TOR2A: variants seen among roughly 807,000 people sequenced by gnomAD.
TOR2A encodes prosalusin.
A neutral mutation model predicts 28.6 loss-of-function variants in TOR2A; 24 were observed. The ratio of observed to expected loss-of-function variants is 0.84; its 90% CI spans 0.61 to 1.18. The LOEUF (loss-of-function observed/expected upper bound fraction) is 1.18, where lower values mean the gene tolerates loss of function less well. TOR2A is among the 50% of genes most tolerant of loss of function. The probability of loss-of-function intolerance (pLI) is 0.00; values close to 1 mark genes in which losing one functional copy is unlikely to be tolerated. For missense variants in TOR2A, 426 were observed against 448.1 expected (o/e 0.95, Z 0.45); for synonymous variants, 203 against 203.1 (o/e 1.00, Z 0.00).
chr9:127,733,246 G>C (rs542051287), intron 3 of TOR2A, 139 bp downstream of exon 3: 3 of 1,611,658 alleles, frequency 1.9e-6, no homozygotes, highest in African/African-American at 2.7e-5. Flanking sequence ...TGTCATCTCT[G>C]AGAGTGGCGG....
chr9:127,731,946 C>T lies in TOR2A; in HGVS notation c.*88G>A, dbSNP rs1564399729. On this transcript the variant is annotated 3_prime_UTR_variant, in exon 5 of 5. Coordinates refer to ENST00000373284, the MANE Select transcript of TOR2A (RefSeq NM_001085347.3). ...CCTAGCCGACACTCCGTTCATCTCA[C>T]TTGGTGCTCTGGGTTCCTGTGACAG... 8 of 1,529,726 alleles carry T rather than the reference C, an allele frequency of 5.2e-6. No individual in the cohort carries two copies. Among genetic ancestry groups the T allele is most frequent in the Admixed American group, 2.1e-5 (1 of 47,694 alleles). The allele number at this position is 1,529,726 out of a possible 1,614,324, so 94.8% of individuals were successfully genotyped here.
At chr9:127,734,196 G>A (rs1254476490) in intron 2 of TOR2A, 103 bp downstream of exon 2, 9 of 1,416,482 alleles carry the variant, frequency 6.4e-6, no homozygotes, top group South Asian at 4.4e-5. Context: ...GGCTGCAGCC[G>A]TGTGTGGCCT....
intron 3 of TOR2A, 145 bp downstream of exon 3, chr9:127,733,240 A>T (rs1377685569): frequency 1.2e-6 from 2 of 1,610,170 alleles, no homozygotes; most frequent in Non-Finnish European, 1.7e-6. Context: ...TGACAATGTC[A>T]TCTCTGAGAG....
Position 127,732,627 on chromosome 9 carries a change from C to A in TOR2A, c.658G>T (p.Glu220Ter). The A allele has an allele frequency of 6.3e-7, 1 of 1,575,864 alleles. No individual in the cohort carries two copies. The highest frequency in any genetic ancestry group is 8.6e-7 in the Non-Finnish European group (1 of 1,162,180). ...LEAWRSRRDR[E>*]EILLQELEPV... ...TCCAGCTCCTGCAGGAGGATCTCCT[C>A]GCGGTCCCGCCGGCTGCGCCACGCC... is the stretch of plus-strand genomic sequence containing the variant. Residue 220 changes from glutamate to a stop codon, truncating the protein, a stop_gained, in exon 4 of 5, where the codon GAG becomes TAG. Transcript: ENST00000373284. LOFTEE classifies it high-confidence loss of function.
At position 127,732,526 on chromosome 9, in the gene TOR2A, T is replaced by C. The variant is rs767055587; in HGVS notation, c.721+38A>G. The C allele has an allele frequency of 3.9e-6, 6 of 1,547,512 alleles. No individual in the cohort carries two copies. In the East Asian group the frequency reaches 9.2e-5, roughly 24 times the overall value. ...GAGAGCCTGGCCCCTGGGTGTGGGG[T>C]GAAGCTGCCCGGGAGGGGGCTGCTG... On this transcript the variant is annotated intron_variant, in intron 4 of 4. Coordinates refer to ENST00000373284, the MANE Select transcript of TOR2A (RefSeq NM_001085347.3).
Position 127,731,550 on chromosome 9 carries a change from A to G in TOR2A, c.*484T>C, listed in dbSNP as rs926716678. 13 of 1,424,304 alleles carry G rather than the reference A, an allele frequency of 9.1e-6. No individual in the cohort carries two copies. The highest frequency in any genetic ancestry group is 9.2e-6 in the Non-Finnish European group (10 of 1,088,440). 88.2% of individuals were successfully genotyped at this position (1,424,304 alleles called of 1,614,324 possible). ...CTGGTCCCACAGCTGAGTTTATTAT[A>G]CTTGTTTTCTTTTACAAAATTAAAA... is the stretch of plus-strand genomic sequence containing the variant. On this transcript the variant is annotated 3_prime_UTR_variant, in exon 5 of 5. Coordinates refer to ENST00000373284, the MANE Select transcript of TOR2A (RefSeq NM_001085347.3).
intron 4 of TOR2A, 135 bp from the exon 5 acceptor site, chr9:127,732,413 C>T: frequency 4.1e-6 from 6 of 1,449,914 alleles, no homozygotes; most frequent in Non-Finnish European, 5.4e-6. Context: ...GACTCAGGGG[C>T]TGTAAGGCTC....
intron 1 of TOR2A, 195 bp downstream of exon 1, chr9:127,734,925 T>C (rs1190034999): frequency 2.5e-6 from 2 of 784,632 alleles, no homozygotes; most frequent in African/African-American, 1.8e-5. Flanking sequence ...CTGAGGCCTC[T>C]CTCCAGGTTG....
Position 127,732,291 on chromosome 9 carries a change from T to C in TOR2A, c.722-13A>G, listed in dbSNP as rs1564400624. ...TTTGAGAAGCCATCTGCAGGAAGGG[T>C]AGGTGGGGAGGGGACTTTGTGCTTC... On this transcript the variant is annotated splice_polypyrimidine_tract_variant and intron_variant, in intron 4 of 4. Coordinates refer to ENST00000373284, the MANE Select transcript of TOR2A (RefSeq NM_001085347.3). 1.3e-5 allele frequency: 20 copies of C among 1,562,518 alleles called. No homozygotes were observed. Among genetic ancestry groups the C allele is most frequent in the Non-Finnish European group, 1.5e-5 (17 of 1,150,750 alleles).
At chr9:127,734,740 T>A in intron 1 of TOR2A, 176 bp from the exon 2 acceptor site, 1 of 756,256 alleles carries the variant, frequency 1.3e-6, no homozygotes, top group South Asian at 3.2e-5. Flanking sequence ...TCGGGCCTGA[T>A]TCAGCTCGGC....
intron 2 of TOR2A, 38 bp downstream of exon 2, chr9:127,734,261 C>T (rs778369026): frequency 2.5e-5 from 39 of 1,533,298 alleles, no homozygotes; most frequent in Non-Finnish European, 3.3e-5. Flanking sequence ...GGTGGCACCC[C>T]ATGGTGAGAA....
At chr9:127,733,640 C>T in intron 2 of TOR2A, 80 bp from the exon 3 acceptor site, 2 of 1,289,404 alleles carry the variant, frequency 1.6e-6, no homozygotes, top group Non-Finnish European at 2.1e-6. Context: ...CAAAACTAAT[C>T]TCCTTTCTAG....
At position 127,734,589 on chromosome 9, in the gene TOR2A, G is replaced by T. The variant is rs529279397; in HGVS notation, c.152-25C>A. 6.1e-6 allele frequency: 9 copies of T among 1,477,656 alleles called. 1 individual carries two copies. In the South Asian group the frequency reaches 1.1e-4, roughly 18 times the overall value. The allele number at this position is 1,477,656 out of a possible 1,614,324, so 91.5% of individuals were successfully genotyped here. A position where few individuals can be genotyped will look rare whatever the true frequency, so the allele number is the denominator to read the frequency against. ...CCTAGGGCCACAGGAGGATGGTGAG[G>T]ACACATCCCACCGAGGCAGAGGTTC... is the stretch of plus-strand genomic sequence containing the variant. On this transcript the variant is annotated intron_variant, in intron 1 of 4. Transcript: ENST00000373284.
intron 3 of TOR2A, 115 bp from the exon 4 acceptor site, chr9:127,732,806 A>C: frequency 1.4e-6 from 2 of 1,455,844 alleles, no homozygotes; most frequent in South Asian, 2.8e-5. Context: ...TGCGGGGAGG[A>C]GCCAACTCCA....
At position 127,734,615 on chromosome 9, in the gene TOR2A, AAGG is replaced by A. The variant is rs753077450; in HGVS notation, c.152-54_152-52del. 8.3e-6 allele frequency: 12 copies of A among 1,442,730 alleles called. No homozygotes were observed. In the East Asian group the frequency reaches 1.8e-4, roughly 22 times the overall value. The allele number at this position is 1,442,730 out of a possible 1,614,324, so 89.4% of individuals were successfully genotyped here. On this transcript the variant is annotated intron_variant, in intron 1 of 4. Coordinates refer to ENST00000373284, the MANE Select transcript of TOR2A (RefSeq NM_001085347.3). ...ACACATCCCACCGAGGCAGAGGTTC[AAGG>A]AGAACATCATGTCTGGAACCTGGTC...
Position 127,735,209 on chromosome 9 carries a change from A to G in TOR2A, c.62T>C (p.Val21Ala), listed in dbSNP as rs1400347040. Residue 21 changes from valine to alanine, a missense_variant, in exon 1 of 5, where the codon GTC becomes GCC. Val to Ala is a moderately conservative substitution (Grantham distance 64, BLOSUM62 0). Transcript: ENST00000373284. ...WGSLLGLLGL[V>A]SAAAAAWDLA... is the part of the protein sequence containing the mutation. ...GTCCCAGGCGGCGGCCGCGGCCGAGACCAGCCCGAGCAGCCCGAGGAGCGA... is the reference window on the plus strand; with the variant it reads ...GTCCCAGGCGGCGGCCGCGGCCGAGGCCAGCCCGAGCAGCCCGAGGAGCGA... 6.1e-6 allele frequency: 9 copies of G among 1,479,094 alleles called. No individual in the cohort carries two copies. The highest frequency in any genetic ancestry group is 7.1e-6 in the Non-Finnish European group (8 of 1,123,314). The allele number at this position is 1,479,094 out of a possible 1,614,324, so 91.6% of individuals were successfully genotyped here.
At chr9:127,734,668 G>C in intron 1 of TOR2A, 104 bp from the exon 2 acceptor site, 1 of 1,297,010 alleles carries the variant, frequency 7.7e-7, no homozygotes, top group Non-Finnish European at 1.0e-6. Context: ...CCTTACGTTT[G>C]TCCAAGCTGC....
rs979866595 is a variant in TOR2A at position 127,731,548 on chromosome 9, A to G, written c.*486T>C. 1.6e-5 allele frequency: 23 copies of G among 1,430,116 alleles called. No individual in the cohort carries two copies. The highest frequency in any genetic ancestry group is 1.6e-5 in the Non-Finnish European group (18 of 1,091,866). 88.6% of individuals were successfully genotyped at this position (1,430,116 alleles called of 1,614,324 possible). ...CTCTGGTCCCACAGCTGAGTTTATTATACTTGTTTTCTTTTACAAAATTAA... is the reference window on the plus strand; with the variant it reads ...CTCTGGTCCCACAGCTGAGTTTATTGTACTTGTTTTCTTTTACAAAATTAA... On this transcript the variant is annotated 3_prime_UTR_variant, in exon 5 of 5. Transcript: ENST00000373284.
In TOR2A at chr9:127,733,354, C is replaced by T. The variant is rs564754; in HGVS notation, c.593+31G>A. Reference sequence around the variant, plus strand: ...GCTGAACCTCTGAGAAGTGGCCCCCCCACTGTGCCCACTGCAAAGCCGGGC... The same window carrying T: ...GCTGAACCTCTGAGAAGTGGCCCCCTCACTGTGCCCACTGCAAAGCCGGGC... On this transcript the variant is annotated intron_variant, in intron 3 of 4. Transcript: ENST00000373284. 46 of 1,613,292 alleles carry T rather than the reference C, an allele frequency of 2.9e-5. No individual in the cohort carries two copies. The highest frequency in any genetic ancestry group is 1.3e-4 in the Admixed American group (8 of 59,992).
Sources: gnomAD v4.1 joint callset for allele counts on GRCh38, gnomAD v4.1.1 for gene constraint, MANE v1.5 for transcripts, NCBI Gene and HGNC (gene_info 2026-07-23, HGNC 2026-07-21) for gene names.